Variants in FAT3 observed in about 807,000 individuals in gnomAD.
FAT3 encodes the protein protocadherin Fat 3.
Under a neutral mutation model 310.2 loss-of-function variants are expected in FAT3, and 95 were observed. The observed-to-expected ratio is 0.31, with a 90% CI of 0.26 to 0.36. The LOEUF is 0.36. Ranked by LOEUF, FAT3 falls within the 10% of genes least tolerant of loss-of-function variation. The probability of loss-of-function intolerance (pLI) is 1.00; values close to 1 mark genes in which losing one functional copy is unlikely to be tolerated. For synonymous variants in FAT3, 2,314 were observed against 2,192.9 expected (o/e 1.06, Z -1.54); for missense variants, 5,408 against 5,715.6 (o/e 0.95, Z 1.74).
chr11:92,327,246 T>G (rs1947791169), intron 1 of FAT3, among the ~76,000 whole-genome samples: 1 of 152,032 alleles, frequency 6.6e-6, no homozygotes, highest in Non-Finnish European at 1.5e-5. Flanking sequence ...TTTTTTTTTC[T>G]ACTTGCAAAG....
chr11:92,436,484 C>T (rs1950943051), intron 2 of FAT3, among the ~76,000 whole-genome samples: 2 of 152,162 alleles, frequency 1.3e-5, no homozygotes, highest in African/African-American at 2.4e-5. Context: ...TGCCTTGCTA[C>T]AGATCCCTTT....
rs111629375 is a variant in FAT3, at chr11:92,488,191, A to G, written c.3293-36443A>G. ...GACAGCCAGCAAGAAGCCAGGGATC[A>G]CAGTCCTATAACCACAAGTGAATTA... On this transcript the variant is annotated intron_variant, in intron 2 of 27. Coordinates refer to ENST00000525166, the MANE Select transcript of FAT3 (RefSeq NM_001367949.2). Among the ~76,000 whole-genome samples the G allele has an allele frequency of 4.3e-3, 648 of 152,214 alleles. 4 individuals carry two copies. The highest frequency in any genetic ancestry group is 0.015 in the African/African-American group (611 of 41,536).
intron 3 of FAT3, among the ~76,000 whole-genome samples, chr11:92,600,126 T>C (rs992563471): frequency 1.3e-5 from 2 of 152,222 alleles, no homozygotes; most frequent in East Asian, 1.9e-4. Context: ...TGTATAGCTG[T>C]CCTCTTTATC....
intron 1 of FAT3, among the ~76,000 whole-genome samples, chr11:92,236,329 G>T (rs914739524): frequency 2.0e-5 from 3 of 152,094 alleles, no homozygotes; most frequent in Non-Finnish European, 4.4e-5. Context: ...GAAGTAATGT[G>T]ACAGTTCATA....
intron 3 of FAT3, among the ~76,000 whole-genome samples, chr11:92,598,883 T>C (rs1468698447): frequency 6.6e-6 from 1 of 152,194 alleles, no homozygotes; most frequent in Non-Finnish European, 1.5e-5. Flanking sequence ...AGTGAGGTAG[T>C]GGCCAAAAGT....
At chr11:92,347,065 A>G (rs778495136) in intron 1 of FAT3, among the ~76,000 whole-genome samples, 10 of 152,222 alleles carry the variant, frequency 6.6e-5, no homozygotes, top group Non-Finnish European at 1.5e-4. Context: ...TATTGTTCTC[A>G]TTTTATAGAA....
intron 21 of FAT3, among the ~76,000 whole-genome samples, chr11:92,860,322 G>T (rs766266287): frequency 6.6e-6 from 1 of 152,154 alleles, no homozygotes; most frequent in African/African-American, 2.4e-5. Flanking sequence ...AAGTGATGAG[G>T]CCTGGATCCC....
intron 2 of FAT3, among the ~76,000 whole-genome samples, chr11:92,430,978 C>T (rs1363959980): frequency 6.6e-6 from 1 of 152,136 alleles, no homozygotes; most frequent in Non-Finnish European, 1.5e-5. Flanking sequence ...CATACGTGTG[C>T]ATGTGTCTTT....
chr11:92,582,822 T>C (rs1459307389), intron 3 of FAT3, among the ~76,000 whole-genome samples: 4 of 152,044 alleles, frequency 2.6e-5, no homozygotes, highest in Non-Finnish European at 5.9e-5. Flanking sequence ...TATCCAATAG[T>C]TGGAAAATGC....
chr11:92,578,653 C>T (rs992523738), intron 3 of FAT3, among the ~76,000 whole-genome samples: 1 of 152,170 alleles, frequency 6.6e-6, no homozygotes, highest in African/African-American at 2.4e-5. Context: ...CAGCGAAGAG[C>T]GTGGAAAAAG....
At chr11:92,597,462 T>C (rs1591501544) in intron 3 of FAT3, among the ~76,000 whole-genome samples, 3 of 152,164 alleles carry the variant, frequency 2.0e-5, no homozygotes, top group African/African-American at 7.2e-5. Flanking sequence ...AGCTCTACCA[T>C]GTGCATTATT....
intron 1 of FAT3, among the ~76,000 whole-genome samples, chr11:92,296,594 ACTTGTTATGG>A (rs1407360545): frequency 5.3e-5 from 8 of 152,172 alleles, no homozygotes; most frequent in African/African-American, 1.9e-4. Context: ...GTCAAGTTCA[ACTTGTTATGG>A]CCTGTCTGTT....
At chr11:92,761,329 G>T (rs546299107) in intron 4 of FAT3, among the ~76,000 whole-genome samples, 1 of 152,288 alleles carries the variant, frequency 6.6e-6, no homozygotes, top group Non-Finnish European at 1.5e-5. Flanking sequence ...ATTCATGAGG[G>T]TTTGATCCTC....
intron 6 of FAT3, among the ~76,000 whole-genome samples, chr11:92,767,572 C>T (rs1336165452): frequency 6.6e-6 from 1 of 152,186 alleles, no homozygotes; most frequent in African/African-American, 2.4e-5. Flanking sequence ...GTCTCACCAG[C>T]TGCCTGACCC....
chr11:92,774,376 A>C (rs1433968289), intron 7 of FAT3, among the ~76,000 whole-genome samples, 196 bp downstream of exon 7: 1 of 152,258 alleles, frequency 6.6e-6, no homozygotes, highest in East Asian at 1.9e-4. Flanking sequence ...GCCGCTTTCA[A>C]GAAGTTGTGA....
chr11:92,738,986 C>G (rs1945429405), intron 4 of FAT3, among the ~76,000 whole-genome samples: 2 of 152,116 alleles, frequency 1.3e-5, no homozygotes, highest in Non-Finnish European at 2.9e-5. Context: ...CATGATGAGT[C>G]CCTGTCACAC....
chr11:92,867,100 G>C lies in FAT3; in HGVS notation c.12018G>C (p.Ala4006=), dbSNP rs75649640. 2.5e-6 allele frequency: 4 copies of C among 1,599,964 alleles called. No individual in the cohort carries two copies. The highest frequency in any genetic ancestry group is 2.3e-5 in the South Asian group (2 of 88,652). The change falls in exon 22 of 28, where the codon GCG becomes GCC. Residue 4006 remains alanine (A), a synonymous_variant. Transcript: ENST00000525166. ...LPLQNKRSSF[A]EVVGLTELKL... ...TGCAGAACAAGCGCAGCAGCTTCGC[G>C]GAGGTGGTGGGCCTGACGGAGCTGA...
intron 3 of FAT3, among the ~76,000 whole-genome samples, chr11:92,610,610 C>T (rs1940517807): frequency 6.6e-6 from 1 of 152,186 alleles, no homozygotes; most frequent in Non-Finnish European, 1.5e-5. Flanking sequence ...GTTTAAGCCT[C>T]TTGTCCTCAG....
intron 2 of FAT3, among the ~76,000 whole-genome samples, chr11:92,452,817 C>T (rs923388985): frequency 3.3e-5 from 5 of 152,132 alleles, no homozygotes; most frequent in Non-Finnish European, 5.9e-5. Context: ...GGCTAGAGTG[C>T]AGTGGTGAGA....
Sources: allele counts gnomAD v4.1 joint callset (sites outside exome capture counted in the v4.1 genomes callset), GRCh38; gene constraint gnomAD v4.1.1; transcripts MANE v1.5; gene names NCBI Gene and HGNC (gene_info 2026-07-23, HGNC 2026-07-21).